Variants in THOC1 observed in about 807,000 individuals in gnomAD.
THOC1 encodes the protein THO complex 1.
In THOC1, 29 loss-of-function variants were observed where a neutral mutation model predicts 97.3. That is an observed-to-expected ratio of 0.30 (90% CI 0.22 to 0.41). The LOEUF is 0.41. Ranked by LOEUF, THOC1 falls within the 10% of genes least tolerant of loss-of-function variation. The probability of loss-of-function intolerance (pLI) is 1.00; values close to 1 mark genes in which losing one functional copy is unlikely to be tolerated. For synonymous variants in THOC1, 255 were observed against 257.0 expected (o/e 0.99, Z 0.07); for missense variants, 529 against 761.9 (o/e 0.69, Z 3.60).
chr18:259,904 A>G (rs769334049), intron 5 of THOC1, 174 bp from the exon 6 acceptor site: 68 of 553,550 alleles, frequency 1.2e-4, no homozygotes, highest in Non-Finnish European at 2.0e-4. Context: ...ATTTTCAGAT[A>G]TAAGAAAACA....
intron 11 of THOC1, among the ~76,000 whole-genome samples, chr18:228,519 G>A (rs879751524): frequency 3.2e-4 from 33 of 104,296 alleles, no homozygotes; most frequent in Non-Finnish European, 5.4e-4. Flanking sequence ...CATCTAAAAT[G>A]TAAGGGGGAA....
chr18:220,207 G>A (rs1911030582), intron 17 of THOC1, among the ~76,000 whole-genome samples: 1 of 152,100 alleles, frequency 6.6e-6, no homozygotes, highest in African/African-American at 2.4e-5. Flanking sequence ...TCTCCTTGTA[G>A]ATGAACTGAT....
At chr18:225,595 C>T in intron 12 of THOC1, 192 bp from the exon 13 acceptor site, 1 of 571,546 alleles carries the variant, frequency 1.7e-6, no homozygotes, top group East Asian at 2.9e-5. Flanking sequence ...AGGGTTGGTA[C>T]TGAAGACATA....
chr18:266,566 T>A (rs1598309862), intron 1 of THOC1, among the ~76,000 whole-genome samples: 1 of 138,038 alleles, frequency 7.2e-6, no homozygotes, highest in Non-Finnish European at 1.5e-5. Context: ...TGAGATGGAG[T>A]CTCCCTCTGT....
intron 17 of THOC1, among the ~76,000 whole-genome samples, chr18:222,377 A>G (rs1332848144): frequency 6.6e-6 from 1 of 152,152 alleles, no homozygotes; most frequent in African/African-American, 2.4e-5. Flanking sequence ...TTTACTGGGG[A>G]CTGTTGATAA....
intron 11 of THOC1, among the ~76,000 whole-genome samples, chr18:228,483 T>C (rs1165225749): frequency 1.3e-5 from 2 of 152,104 alleles, no homozygotes; most frequent in African/African-American, 2.4e-5. Flanking sequence ...AAGAGACATA[T>C]TATGGATATT....
intron 9 of THOC1, among the ~76,000 whole-genome samples, chr18:250,253 T>C (rs1339240782): frequency 6.6e-6 from 1 of 152,222 alleles, no homozygotes; most frequent in Non-Finnish European, 1.5e-5. Context: ...CCCTTGCTCT[T>C]TTCCTTCACA....
intron 18 of THOC1, among the ~76,000 whole-genome samples, chr18:216,971 A>T (rs1910913758): frequency 6.6e-6 from 1 of 152,160 alleles, no homozygotes; most frequent in African/African-American, 2.4e-5. Flanking sequence ...ATACAACAGG[A>T]ATCATCCATC....
At chr18:241,409 C>T (rs572895466) in intron 11 of THOC1, among the ~76,000 whole-genome samples, 1 of 152,220 alleles carries the variant, frequency 6.6e-6, no homozygotes, top group African/African-American at 2.4e-5. Context: ...ACCAAAAGTC[C>T]TAACTAGAGG....
chr18:263,156 C>T (rs939544194), intron 4 of THOC1, among the ~76,000 whole-genome samples: 1 of 152,198 alleles, frequency 6.6e-6, no homozygotes, highest in African/African-American at 2.4e-5. Context: ...GCTCAGCTCA[C>T]TGCAAGCTCC....
chr18:252,725 G>A (rs2143273560), intron 8 of THOC1, 113 bp from the exon 9 acceptor site: 2 of 813,954 alleles, frequency 2.5e-6, no homozygotes, highest in Non-Finnish European at 4.0e-6. Flanking sequence ...AGTTAGAGAA[G>A]TCTAGTCACT....
intron 11 of THOC1, among the ~76,000 whole-genome samples, chr18:237,617 A>T (rs1447497647): frequency 2.6e-5 from 4 of 152,168 alleles, no homozygotes; most frequent in Admixed American, 1.3e-4. Flanking sequence ...GAAAAAAAAA[A>T]TACAGGTTCC....
chr18:241,885 C>G (rs2143233499), intron 11 of THOC1, among the ~76,000 whole-genome samples: 2 of 152,104 alleles, frequency 1.3e-5, no homozygotes, highest in East Asian at 3.9e-4. Flanking sequence ...CTGGACTAAC[C>G]TTAAAGAACA....
intron 7 of THOC1, among the ~76,000 whole-genome samples, chr18:256,284 A>T (rs1912433692): frequency 6.6e-6 from 1 of 152,230 alleles, no homozygotes; most frequent in Non-Finnish European, 1.5e-5. Context: ...CATAAAGAAC[A>T]CTTGTGATTC....
intron 4 of THOC1, 94 bp downstream of exon 4, chr18:263,932 C>G: frequency 1.0e-6 from 1 of 955,760 alleles, no homozygotes; most frequent in East Asian, 2.6e-5. Context: ...TAAACAAAAT[C>G]AGATAGGTGG....
rs1458581066 is a variant in THOC1, at chr18:214,805, T to A, written c.1795A>T (p.Ile599Phe). The change falls in exon 21 of 21, where the codon ATT becomes TTT. Residue 599 changes from isoleucine to phenylalanine, a missense_variant. Coordinates refer to ENST00000261600, the MANE Select transcript of THOC1 (RefSeq NM_005131.3). ...APYLEMKDSEIRQIECDSEDM... is the reference protein window; with the variant it reads ...APYLEMKDSEFRQIECDSEDM... ...TCACTGTCACACTCAATCTGCCTAA[T>A]TTCTGAGTCTTTCATTTCCAAGTAG... is the stretch of plus-strand genomic sequence containing the variant. The A allele has an allele frequency of 3.1e-6, 5 of 1,613,862 alleles. No homozygotes were observed. In the Admixed American group the frequency reaches 8.3e-5, roughly 27 times the overall value.
chr18:257,398 G>A (rs1450616793), intron 7 of THOC1, among the ~76,000 whole-genome samples: 1 of 152,146 alleles, frequency 6.6e-6, no homozygotes, highest in East Asian at 1.9e-4. Flanking sequence ...GTTTCTTACT[G>A]TTAGAGAAAG....
chr18:240,091 T>C (rs1911846028), intron 11 of THOC1, among the ~76,000 whole-genome samples: 1 of 152,132 alleles, frequency 6.6e-6, no homozygotes, highest in African/African-American at 2.4e-5. Context: ...GTAATGGTCT[T>C]TCTGTTATAG....
chr18:215,117 C>T (rs1343325673), intron 20 of THOC1, among the ~76,000 whole-genome samples, 196 bp from the exon 21 acceptor site: 1 of 152,132 alleles, frequency 6.6e-6, no homozygotes, highest in Non-Finnish European at 1.5e-5. Flanking sequence ...AAGCTGTTAC[C>T]TATAATTACG....
Sources: allele counts gnomAD v4.1 joint callset (sites outside exome capture counted in the v4.1 genomes callset), GRCh38; gene constraint gnomAD v4.1.1; transcripts MANE v1.5; gene names NCBI Gene and HGNC (gene_info 2026-07-23, HGNC 2026-07-21).